The following ITGBL1 variants were observed in gnomAD, a reference collection of about 807,000 sequenced individuals.
ITGBL1 encodes the protein integrin subunit beta like 1.
ITGBL1 carries 51 observed loss-of-function variants against 68.5 expected under a neutral mutation model. The observed-to-expected ratio is 0.74, with a 90% CI of 0.59 to 0.94. The LOEUF is 0.94. Among genes scored for constraint, ITGBL1 ranks in the 40% least tolerant of loss-of-function variants. ITGBL1 has a pLI of 0.00. For synonymous variants in ITGBL1, 209 were observed against 227.3 expected (o/e 0.92, Z 0.72); for missense variants, 649 against 647.4 (o/e 1.00, Z -0.03).
chr13:101,568,957 A>G (rs143294753), intron 3 of ITGBL1, among the ~76,000 whole-genome samples: 1 of 151,260 alleles, frequency 6.6e-6, no homozygotes, highest in African/African-American at 2.4e-5. Context: ...ATATTTCTCT[A>G]GCACTTCAGT....
In ITGBL1 at chr13:101,452,901, C is replaced by T. The variant is rs1288674519; in HGVS notation, c.68C>T (p.Ala23Val). ...TCCCTTCTCTTTGCTGGGTTGTCAGCTGTTCCTCAAAGCTTCTCGCCATCT... is the reference window on the plus strand; with the variant it reads ...TCCCTTCTCTTTGCTGGGTTGTCAGTTGTTCCTCAAAGCTTCTCGCCATCT... Reference protein sequence around the residue: ...ASSLLFAGLSAVPQSFSPSLR... With the variant: ...ASSLLFAGLSVVPQSFSPSLR... The change falls in exon 1 of 11, where the codon GCT becomes GTT. Residue 23 changes from alanine to valine, a missense_variant. Coordinates refer to ENST00000376180, the MANE Select transcript of ITGBL1 (RefSeq NM_004791.3). The T allele has an allele frequency of 6.2e-7, 1 of 1,614,064 alleles. No individual in the cohort carries two copies. The highest frequency in any genetic ancestry group is 8.5e-7 in the Non-Finnish European group (1 of 1,180,032).
At chr13:101,600,936 G>C (rs368431379) in intron 7 of ITGBL1, among the ~76,000 whole-genome samples, 12 of 152,134 alleles carry the variant, frequency 7.9e-5, no homozygotes, top group African/African-American at 1.7e-4. Flanking sequence ...TTGGTATCAG[G>C]ATGATGCTGA....
intron 7 of ITGBL1, among the ~76,000 whole-genome samples, chr13:101,612,816 C>T (rs2031195247): frequency 6.6e-6 from 1 of 152,278 alleles, no homozygotes; most frequent in African/African-American, 2.4e-5. Context: ...ATACTCTCCT[C>T]TTCACTGGCA....
At chr13:101,709,379 AAAAAAAAAAAAAAAAAAAAG>A (rs1057161069) in intron 9 of ITGBL1, among the ~76,000 whole-genome samples, 3 of 108,230 alleles carry the variant, frequency 2.8e-5, no homozygotes, top group African/African-American at 9.2e-5. Flanking sequence ...CTCAAAAAAA[AAAAAAAAAAAAAAAAAAAAG>A]AAAAGCAGGA....
At chr13:101,554,125 C>A (rs1354872845) in intron 2 of ITGBL1, among the ~76,000 whole-genome samples, 1 of 152,114 alleles carries the variant, frequency 6.6e-6, no homozygotes, top group Admixed American at 6.5e-5. Flanking sequence ...ATTAAGGGCC[C>A]ACCTAATCCA....
intron 7 of ITGBL1, among the ~76,000 whole-genome samples, chr13:101,643,737 G>A (rs939294128): frequency 6.6e-6 from 1 of 152,106 alleles, no homozygotes; most frequent in African/African-American, 2.4e-5. Flanking sequence ...CACTGTAGGG[G>A]CTGGGAGAGT....
chr13:101,531,784 G>T (rs9300678), intron 2 of ITGBL1, among the ~76,000 whole-genome samples: 61,703 of 150,778 alleles, frequency 0.41, 12,785 homozygotes, highest in Middle Eastern at 0.55. Flanking sequence ...TCAGGCTGGG[G>T]TGCAGTGGTG....
chr13:101,489,343 A>G (rs2048743614), intron 2 of ITGBL1, among the ~76,000 whole-genome samples: 1 of 152,216 alleles, frequency 6.6e-6, no homozygotes, highest in Non-Finnish European at 1.5e-5. Flanking sequence ...TAAAAATCAA[A>G]CAAAAATCTT....
At chr13:101,585,141 G>C (rs748609897) in intron 6 of ITGBL1, among the ~76,000 whole-genome samples, 1 of 152,140 alleles carries the variant, frequency 6.6e-6, no homozygotes, top group Non-Finnish European at 1.5e-5. Flanking sequence ...AAGGCAATGA[G>C]GAGCTAATGA....
At chr13:101,684,082 CT>C (rs1297400707) in intron 7 of ITGBL1, among the ~76,000 whole-genome samples, 21 of 151,932 alleles carry the variant, frequency 1.4e-4, no homozygotes, top group Non-Finnish European at 2.7e-4. Context: ...TTAATATTTT[CT>C]TTTTTAGTTA....
chr13:101,654,196 G>A (rs7981876), intron 7 of ITGBL1, among the ~76,000 whole-genome samples: 2,010 of 152,282 alleles, frequency 0.013, 48 homozygotes, highest in African/African-American at 0.046. Flanking sequence ...AGAGAAAGAT[G>A]AGTTCAGATC....
chr13:101,634,154 A>G (rs1191125264), intron 7 of ITGBL1, among the ~76,000 whole-genome samples: 1 of 152,192 alleles, frequency 6.6e-6, no homozygotes, highest in Non-Finnish European at 1.5e-5. Context: ...TTCAAATTCA[A>G]TCGAATATAT....
intron 7 of ITGBL1, among the ~76,000 whole-genome samples, chr13:101,655,560 C>G (rs888961347): frequency 6.6e-6 from 1 of 152,160 alleles, no homozygotes; most frequent in Non-Finnish European, 1.5e-5. Flanking sequence ...AAGTTTCCCT[C>G]TCCTATGCTT....
intron 8 of ITGBL1, among the ~76,000 whole-genome samples, chr13:101,699,998 C>G (rs551727610): frequency 6.6e-6 from 1 of 152,114 alleles, no homozygotes; most frequent in East Asian, 1.9e-4. Context: ...TCTCTAGTTA[C>G]CTAACTCTAA....
intron 10 of ITGBL1, chr13:101,715,311 A>G: frequency 2.4e-6 from 1 of 412,186 alleles, no homozygotes; most frequent in South Asian, 3.6e-5. Flanking sequence ...CTAAAAGCCT[A>G]GCTGGAGTGA....
At chr13:101,587,568 A>C (rs545205833) in intron 6 of ITGBL1, among the ~76,000 whole-genome samples, 1 of 152,200 alleles carries the variant, frequency 6.6e-6, no homozygotes, top group Admixed American at 6.5e-5. Context: ...ACTCAGGTCT[A>C]TTTACCCAAA....
chr13:101,543,499 C>T (rs971775255), intron 2 of ITGBL1, among the ~76,000 whole-genome samples: 13 of 152,062 alleles, frequency 8.5e-5, no homozygotes, highest in African/African-American at 2.2e-4. Flanking sequence ...CATTTTTTCC[C>T]TCATTTCAAC....
chr13:101,538,979 A>G (rs1156250396), intron 2 of ITGBL1, among the ~76,000 whole-genome samples: 3 of 150,010 alleles, frequency 2.0e-5, no homozygotes, highest in Admixed American at 1.3e-4. Context: ...CAGCAAATCC[A>G]TGTAGTGGAG....
chr13:101,531,531 G>GT (rs1191706656), intron 2 of ITGBL1, among the ~76,000 whole-genome samples: 1 of 150,952 alleles, frequency 6.6e-6, no homozygotes, highest in Non-Finnish European at 1.5e-5. Flanking sequence ...AGAATTGGAA[G>GT]TAAGACATTT....
Sources: gnomAD v4.1 joint callset for allele counts (sites outside exome capture counted in the v4.1 genomes callset) on GRCh38, gnomAD v4.1.1 for gene constraint, MANE v1.5 for transcripts, NCBI Gene and HGNC (gene_info 2026-07-23, HGNC 2026-07-21) for gene names.